Variants in CPQ observed in about 807,000 individuals in gnomAD.
The protein encoded by CPQ is carboxypeptidase Q.
In CPQ, 37 loss-of-function variants were observed where a neutral mutation model predicts 45.7. The ratio of observed to expected loss-of-function variants is 0.81; its 90% CI spans 0.62 to 1.07. The LOEUF is 1.07. CPQ is among the 50% of genes least tolerant of loss of function. The probability of loss-of-function intolerance (pLI) is 0.00; values close to 1 mark genes in which losing one functional copy is unlikely to be tolerated. For synonymous variants in CPQ, 186 were observed against 205.8 expected (o/e 0.90, Z 0.82); for missense variants, 537 against 572.9 (o/e 0.94, Z 0.64).
chr8:97,083,426 A>C (rs911366042), intron 7 of CPQ, among the ~76,000 whole-genome samples: 12 of 152,154 alleles, frequency 7.9e-5, no homozygotes, highest in Non-Finnish European at 1.6e-4. Flanking sequence ...TACAAAAAAG[A>C]GTGATGGAGC....
intron 1 of CPQ, among the ~76,000 whole-genome samples, chr8:96,660,636 G>GGT (rs71267273): frequency 0.41 from 60,492 of 148,950 alleles, 12,924 homozygotes; most frequent in Non-Finnish European, 0.5. Context: ...GAATACATTT[G>GGT]GTGTGTGTGT....
chr8:96,756,561 G>A (rs141116486), intron 1 of CPQ, among the ~76,000 whole-genome samples: 39 of 152,082 alleles, frequency 2.6e-4, no homozygotes, highest in African/African-American at 7.7e-4. Context: ...CAACACCTAC[G>A]CCCCTTTAAG....
In CPQ at chr8:96,835,185, G is replaced by C. The variant is rs750445631; in HGVS notation, c.641+5G>C. On this transcript the variant is annotated splice_donor_5th_base_variant and intron_variant, in intron 3 of 7. Transcript: ENST00000220763. The stretch of plus-strand genomic sequence containing the variant: ...GGCCTCCTTCTCCATCTACAGGTTT[G>C]TCACAATGTTCATTTGAATTCCTTT... The C allele has an allele frequency of 3.5e-6, 5 of 1,447,164 alleles. No individual in the cohort carries two copies. The highest frequency in any genetic ancestry group is 1.4e-5 in the African/African-American group (1 of 69,190). 89.6% of individuals were successfully genotyped at this position (1,447,164 alleles called of 1,614,324 possible).
chr8:97,049,723 T>A (rs1810324875), intron 6 of CPQ, among the ~76,000 whole-genome samples: 1 of 152,222 alleles, frequency 6.6e-6, no homozygotes, highest in South Asian at 2.1e-4. Context: ...GTTTTTAAAC[T>A]GACAATATCA....
rs189121327 is a variant in CPQ at position 96,870,879 on chromosome 8, T to C, written c.642-8919T>C. ...TCTGTGGCGTTGAGGGATCACTACA[T>C]ATTTGAATAAAGGCCTTTCTCTGAT... On this transcript the variant is annotated intron_variant, in intron 3 of 7. Coordinates refer to ENST00000220763, the MANE Select transcript of CPQ (RefSeq NM_016134.4). Among the ~76,000 whole-genome samples, 911 of 152,048 alleles carry C rather than the reference T, an allele frequency of 6.0e-3. 6 individuals carry two copies. The highest frequency in any genetic ancestry group is 0.01 in the Middle Eastern group (3 of 294).
chr8:96,898,550 G>A (rs1006111072), intron 4 of CPQ, among the ~76,000 whole-genome samples: 6 of 146,348 alleles, frequency 4.1e-5, no homozygotes, highest in African/African-American at 1.3e-4. Flanking sequence ...CTGCTTTGTT[G>A]TAATACTGCT....
At chr8:96,683,968 C>T (rs970038539) in intron 1 of CPQ, among the ~76,000 whole-genome samples, 1 of 152,016 alleles carries the variant, frequency 6.6e-6, no homozygotes, top group African/African-American at 2.4e-5. Context: ...TATTATTTAT[C>T]TGTGTTTTCT....
intron 6 of CPQ, among the ~76,000 whole-genome samples, chr8:97,039,397 C>G (rs966825420): frequency 6.6e-6 from 1 of 151,886 alleles, no homozygotes; most frequent in Admixed American, 6.6e-5. Flanking sequence ...GGTTTGCTTA[C>G]ACTATTTCTT....
intron 3 of CPQ, among the ~76,000 whole-genome samples, chr8:96,870,487 G>A (rs1174979119): frequency 6.6e-6 from 1 of 151,836 alleles, no homozygotes; most frequent in African/African-American, 2.4e-5. Context: ...AGAGGGGTGA[G>A]CGGCAATATA....
At chr8:97,078,761 A>AC (rs1810893138) in intron 7 of CPQ, among the ~76,000 whole-genome samples, 1 of 68,558 alleles carries the variant, frequency 1.5e-5, no homozygotes, top group South Asian at 5.2e-4. Context: ...TATCATTTCC[A>AC]TTTCTCTCTC....
intron 4 of CPQ, among the ~76,000 whole-genome samples, chr8:96,923,602 T>A (rs1437669955): frequency 6.6e-6 from 1 of 152,176 alleles, no homozygotes; most frequent in Admixed American, 6.5e-5. Flanking sequence ...TCCAATCAAC[T>A]ATTATTGAGC....
At chr8:96,834,112 C>G (rs955287154) in intron 2 of CPQ, among the ~76,000 whole-genome samples, 13 of 152,076 alleles carry the variant, frequency 8.5e-5, no homozygotes, top group African/African-American at 3.1e-4. Flanking sequence ...TATTTTTTCC[C>G]TTTTACTCTA....
chr8:96,912,334 G>A (rs1812675641), intron 4 of CPQ, among the ~76,000 whole-genome samples: 1 of 152,120 alleles, frequency 6.6e-6, no homozygotes, highest in African/African-American at 2.4e-5. Flanking sequence ...GAGCAAGGTG[G>A]TAAGAAAGCC....
chr8:96,682,258 G>C (rs1028939593), intron 1 of CPQ, among the ~76,000 whole-genome samples: 1 of 152,176 alleles, frequency 6.6e-6, no homozygotes, highest in Non-Finnish European at 1.5e-5. Flanking sequence ...GGAGGTAATT[G>C]AATCACGAGA....
intron 3 of CPQ, 79 bp from the exon 4 acceptor site, chr8:96,879,719 A>G (rs897644265): frequency 6.4e-6 from 6 of 943,020 alleles, no homozygotes; most frequent in Non-Finnish European, 1.0e-5. Flanking sequence ...GAAGTTAAAT[A>G]TCAATATACA....
chr8:96,933,381 G>C (rs1812999413), intron 4 of CPQ, among the ~76,000 whole-genome samples: 2 of 152,158 alleles, frequency 1.3e-5, no homozygotes, highest in African/African-American at 4.8e-5. Context: ...AATGGTTAGA[G>C]GGTCCAGAAT....
intron 7 of CPQ, among the ~76,000 whole-genome samples, chr8:97,129,626 G>A (rs1172254684): frequency 1.3e-5 from 2 of 152,056 alleles, no homozygotes; most frequent in Middle Eastern, 3.2e-3. Flanking sequence ...CGCTCACAGC[G>A]AAACAGCCTG....
intron 7 of CPQ, among the ~76,000 whole-genome samples, chr8:97,123,043 T>A (rs867839742): frequency 0.038 from 639 of 16,644 alleles, 48 homozygotes; most frequent in Non-Finnish European, 0.051. Flanking sequence ...TAAAATAAAA[T>A]AAATAAAATA....
At chr8:96,883,650 AGCAAGAAGCAT>A (rs994267392) in intron 4 of CPQ, among the ~76,000 whole-genome samples, 3 of 152,228 alleles carry the variant, frequency 2.0e-5, no homozygotes, top group Non-Finnish European at 2.9e-5. Context: ...TATGAAGGCA[AGCAAGAAGCAT>A]GAAGTCCCTC....
Sources: allele counts gnomAD v4.1 joint callset (sites outside exome capture counted in the v4.1 genomes callset), GRCh38; gene constraint gnomAD v4.1.1; transcripts MANE v1.5; gene names NCBI Gene and HGNC (gene_info 2026-07-23, HGNC 2026-07-21).